Variants in CEP112 observed in about 807,000 individuals in gnomAD.
CEP112 encodes centrosomal protein of 112 kDa.
A neutral mutation model predicts 153.0 loss-of-function variants in CEP112; 127 were observed. The observed-to-expected ratio is 0.83, with a 90% confidence interval of 0.72 to 0.96. The LOEUF (loss-of-function observed/expected upper bound fraction) is 0.96, where lower values mean the gene tolerates loss of function less well. Ranked by LOEUF, CEP112 falls within the 40% of genes least tolerant of loss-of-function variation. The pLI is 0.00. For missense variants in CEP112, 1,089 were observed against 1,101.2 expected (o/e 0.99, Z 0.16); for synonymous variants, 358 against 374.4 (o/e 0.96, Z 0.51).
chr17:65,710,923 AACT>A (rs2049149569), intron 23 of CEP112, among the ~76,000 whole-genome samples: 1 of 152,204 alleles, frequency 6.6e-6, no homozygotes, highest in African/African-American at 2.4e-5. Flanking sequence ...TCTGTCTAAA[AACT>A]AATTAATTCC....
intron 4 of CEP112, among the ~76,000 whole-genome samples, chr17:66,149,725 G>A (rs1188024749): frequency 1.3e-5 from 2 of 151,304 alleles, no homozygotes; most frequent in Non-Finnish European, 2.9e-5. Context: ...TTAAAAGTTT[G>A]CTCATTTTGC....
chr17:65,751,952 TTCTATCTA>T (rs60646634), intron 21 of CEP112, among the ~76,000 whole-genome samples: 67,133 of 145,622 alleles, frequency 0.46, 15,671 homozygotes, highest in East Asian at 0.57. Context: ...AATACAGTCC[TTCTATCTA>T]TCTATCTATC....
intron 5 of CEP112, 132 bp from the exon 6 acceptor site, chr17:66,129,955 G>GA (rs2070055031): frequency 4.3e-6 from 2 of 466,250 alleles, no homozygotes; most frequent in Admixed American, 4.2e-5. Flanking sequence ...AGTAAAAAAG[G>GA]AAAAAAGGAA....
chr17:66,154,425 GAATCACTTAAGCC>G (rs1427483145), intron 4 of CEP112, among the ~76,000 whole-genome samples: 1 of 151,834 alleles, frequency 6.6e-6, no homozygotes, highest in Non-Finnish European at 1.5e-5. Flanking sequence ...TGAGGCAGGA[GAATCACTTAAGCC>G]CGGGAGGCAG....
At chr17:66,065,698 C>T (rs565024779) in intron 10 of CEP112, among the ~76,000 whole-genome samples, 12 of 150,070 alleles carry the variant, frequency 8.0e-5, no homozygotes, top group Non-Finnish European at 1.8e-4. Flanking sequence ...GGCACGGTCT[C>T]GGCTCACTGC....
At position 65,914,206 on chromosome 17, in the gene CEP112, A is replaced by G. The variant is rs2060389502; in HGVS notation, c.1981-11872T>C. 3.3e-5 allele frequency among the ~76,000 whole-genome samples: 5 copies of G among 151,218 alleles called. No homozygotes were observed. In the South Asian group the frequency reaches 1.1e-3, roughly 32 times the overall value. On this transcript the variant is annotated intron_variant, in intron 19 of 26. Coordinates refer to ENST00000535342, the MANE Select transcript of CEP112 (RefSeq NM_001199165.4). ...TTAACTGCATATTTTAATTCATTTT[A>G]CTTTATGTGTTTCTCTACAACACAT... is the stretch of plus-strand genomic sequence containing the variant.
chr17:66,083,283 G>A (rs534073063), intron 8 of CEP112, among the ~76,000 whole-genome samples: 1 of 152,256 alleles, frequency 6.6e-6, no homozygotes, highest in East Asian at 1.9e-4. Context: ...CTGCCACCAT[G>A]TAAGATGTGC....
rs192045361 is a variant in CEP112, at chr17:65,730,696, G to A, written c.2607+12372C>T. Among the ~76,000 whole-genome samples the A allele has an allele frequency of 2.8e-3, 420 of 151,954 alleles. 4 individuals carry two copies. The highest frequency in any genetic ancestry group is 9.7e-3 in the African/African-American group (402 of 41,452). On this transcript the variant is annotated intron_variant, in intron 23 of 26. Transcript: ENST00000535342. ...ATGAGGTTTGTAATTTTATTCCTTG[G>A]GAAATTGATTCCTGTAAGCTTTTAG...
Position 65,635,745 on chromosome 17 carries a change from A to C in CEP112, c.*226T>G. Reference sequence around the variant, plus strand: ...TCAGCACATACTCAAATGCACACAAACATGAAAATCGGAAATAAAGGAATG... The same window carrying C: ...TCAGCACATACTCAAATGCACACAACCATGAAAATCGGAAATAAAGGAATG... On this transcript the variant is annotated 3_prime_UTR_variant, in exon 27 of 27. Transcript: ENST00000535342. 1 of 570,082 alleles carries C rather than the reference A, an allele frequency of 1.8e-6. No homozygotes were observed. Among genetic ancestry groups the C allele is most frequent in the Non-Finnish European group, 3.1e-6 (1 of 325,586 alleles). 35.3% of individuals were successfully genotyped at this position (570,082 alleles called of 1,614,324 possible). A position where few individuals can be genotyped will look rare whatever the true frequency, so the allele number is the denominator to read the frequency against.
chr17:66,155,545 G>C (rs2071402927), intron 4 of CEP112, among the ~76,000 whole-genome samples: 1 of 151,594 alleles, frequency 6.6e-6, no homozygotes, highest in African/African-American at 2.4e-5. Context: ...CAGCGAGACA[G>C]AACCGTTCAC....
chr17:66,185,973 T>G (rs953858635), intron 1 of CEP112, among the ~76,000 whole-genome samples: 1 of 152,204 alleles, frequency 6.6e-6, no homozygotes, highest in African/African-American at 2.4e-5. Context: ...TTGCTGACTT[T>G]ACTTTCCTCA....
chr17:65,759,437 G>A (rs1894338010), intron 21 of CEP112, among the ~76,000 whole-genome samples: 1 of 152,056 alleles, frequency 6.6e-6, no homozygotes, highest in South Asian at 2.1e-4. Context: ...GTTATGGCCA[G>A]CCTGGTAAAA....
At chr17:65,643,794 C>T (rs1273481181) in intron 24 of CEP112, among the ~76,000 whole-genome samples, 1 of 152,194 alleles carries the variant, frequency 6.6e-6, no homozygotes, top group African/African-American at 2.4e-5. Context: ...TTTCAGGAGT[C>T]CCTTCTCCAG....
chr17:65,696,768 T>C (rs1339801099), intron 23 of CEP112, among the ~76,000 whole-genome samples: 2 of 152,068 alleles, frequency 1.3e-5, no homozygotes, highest in South Asian at 2.1e-4. Flanking sequence ...CTCCCTACTT[T>C]TGTGTATGTT....
Position 66,027,559 on chromosome 17 carries a change from T to C in CEP112, c.1598A>G (p.Asp533Gly). 7.8e-7 allele frequency: 1 copy of C among 1,284,644 alleles called. No homozygotes were observed. The highest frequency in any genetic ancestry group is 1.0e-6 in the Non-Finnish European group (1 of 958,194). The allele number at this position is 1,284,644 out of a possible 1,614,324, so 79.6% of individuals were successfully genotyped here. The change falls in exon 16 of 27, where the codon GAT becomes GGT. Residue 533 changes from aspartate (D) to glycine (G), a missense_variant and splice_region_variant. Asp to Gly is a moderately conservative substitution (Grantham distance 94, BLOSUM62 -1). Coordinates refer to ENST00000535342, the MANE Select transcript of CEP112 (RefSeq NM_001199165.4). ...SELQRKQQLRDQENKFQMEKS... is the reference protein window; with the variant it reads ...SELQRKQQLRGQENKFQMEKS... ...CTCCATCTGAAACTTATTTTCTTGA[T>C]CCTGTGAATGATAAATGTTTATATT...
chr17:65,995,270 G>A (rs146650311), intron 17 of CEP112, among the ~76,000 whole-genome samples: 65 of 152,018 alleles, frequency 4.3e-4, no homozygotes, highest in Middle Eastern at 3.4e-3. Context: ...CAAGGAAGTG[G>A]GTAAATTTAT....
At chr17:66,006,468 T>C (rs1808920) in intron 16 of CEP112, among the ~76,000 whole-genome samples, 61,980 of 151,380 alleles carry the variant, frequency 0.41, 14,076 homozygotes, top group East Asian at 0.87. Flanking sequence ...TAGCCGGGCA[T>C]GGTAGCGCAC....
At chr17:65,928,349 A>G (rs892746707) in intron 18 of CEP112, among the ~76,000 whole-genome samples, 1 of 152,244 alleles carries the variant, frequency 6.6e-6, no homozygotes, top group South Asian at 2.1e-4. Flanking sequence ...TGGTATAGAC[A>G]TGCTGGAATA....
At chr17:65,820,860 G>A (rs992668844) in intron 21 of CEP112, among the ~76,000 whole-genome samples, 2 of 151,990 alleles carry the variant, frequency 1.3e-5, no homozygotes, top group African/African-American at 4.8e-5. Flanking sequence ...AATAACATAA[G>A]CAATTGTCAC....
Sources: gnomAD v4.1 joint callset for allele counts (sites outside exome capture counted in the v4.1 genomes callset) on GRCh38, gnomAD v4.1.1 for gene constraint, MANE v1.5 for transcripts, NCBI Gene and HGNC (gene_info 2026-07-23, HGNC 2026-07-21) for gene names.